Variants in SYT6 observed in about 807,000 individuals in gnomAD.
SYT6 encodes the protein synaptotagmin-6.
A neutral mutation model predicts 38.4 loss-of-function variants in SYT6; 24 were observed. That is an observed-to-expected ratio of 0.62 (90% CI 0.45 to 0.88). The LOEUF is 0.88. SYT6 is among the 40% of genes least tolerant of loss of function. The pLI, the probability that SYT6 is intolerant of heterozygous loss-of-function variation, is 0.00. For missense variants in SYT6, 611 were observed against 621.0 expected (o/e 0.98, Z 0.17); for synonymous variants, 265 against 241.9 (o/e 1.10, Z -0.89).
intron 2 of SYT6, among the ~76,000 whole-genome samples, chr1:114,138,918 C>T (rs185842585): frequency 2.4e-4 from 37 of 152,326 alleles, no homozygotes; most frequent in Non-Finnish European, 2.4e-4. Context: ...GACCAGGCCT[C>T]GTTCTCTTTT....
At chr1:114,125,428 G>A (rs1257368016) in intron 3 of SYT6, among the ~76,000 whole-genome samples, 1 of 152,204 alleles carries the variant, frequency 6.6e-6, no homozygotes, top group Non-Finnish European at 1.5e-5. Context: ...TGCAGCCCTA[G>A]AGAGGCCCTC....
At chr1:114,105,021 A>G (rs970550272) in intron 3 of SYT6, among the ~76,000 whole-genome samples, 4 of 151,488 alleles carry the variant, frequency 2.6e-5, no homozygotes, top group Admixed American at 2.0e-4. Flanking sequence ...CCCAGTGTCT[A>G]TTGTTGCCAT....
intron 5 of SYT6, among the ~76,000 whole-genome samples, chr1:114,098,155 C>A (rs564480240): frequency 6.6e-6 from 1 of 152,308 alleles, no homozygotes; most frequent in African/African-American, 2.4e-5. Context: ...CGAGGTGAGA[C>A]AGTCTAAGTC....
At chr1:114,111,175 C>T (rs1042433048) in intron 3 of SYT6, among the ~76,000 whole-genome samples, 1 of 152,170 alleles carries the variant, frequency 6.6e-6, no homozygotes, top group Non-Finnish European at 1.5e-5. Context: ...CCTCACCTTC[C>T]ACTGTTCTGC....
Position 114,137,716 on chromosome 1 carries a change from G to C in SYT6, c.850C>G (p.Arg284Gly), listed in dbSNP as rs1212768713. The C allele has an allele frequency of 6.2e-7, 1 of 1,613,850 alleles. No homozygotes were observed. The highest frequency in any genetic ancestry group is 1.3e-5 in the African/African-American group (1 of 75,022). The change falls in exon 3 of 8, where the codon CGG (arginine) becomes GGG (glycine). Residue 284 changes from arginine (R) to glycine (G), a missense_variant. Coordinates refer to ENST00000610222, the MANE Select transcript of SYT6 (RefSeq NM_001253772.2). ...LPDRKCKLQT[R>G]VHRKTLNPTF... ...GGGTTCAGGGTCTTGCGGTGCACCCGGGTCTGCAGCTTGCATTTGCGGTCA... is the reference window on the plus strand; with the variant it reads ...GGGTTCAGGGTCTTGCGGTGCACCCCGGTCTGCAGCTTGCATTTGCGGTCA...
chr1:114,110,381 C>T (rs765641385), intron 3 of SYT6, among the ~76,000 whole-genome samples: 1 of 152,112 alleles, frequency 6.6e-6, no homozygotes, highest in Non-Finnish European at 1.5e-5. Flanking sequence ...AGGGACCTGA[C>T]CAAGGGTAGT....
chr1:114,116,488 A>G (rs1677003137), intron 3 of SYT6, among the ~76,000 whole-genome samples: 4 of 152,200 alleles, frequency 2.6e-5, no homozygotes, highest in Admixed American at 2.6e-4. Flanking sequence ...TCTCCTGTAA[A>G]GGTGTAGTTA....
At chr1:114,124,126 A>G in intron 3 of SYT6, among the ~76,000 whole-genome samples, 1 of 152,182 alleles carries the variant, frequency 6.6e-6, no homozygotes, top group African/African-American at 2.4e-5. Context: ...CTCTGCATAT[A>G]TAGGAAAATG....
chr1:114,151,722 G>A (rs1358356835), intron 1 of SYT6, among the ~76,000 whole-genome samples: 3 of 152,194 alleles, frequency 2.0e-5, no homozygotes, highest in African/African-American at 4.8e-5. Context: ...AAGACGGAAG[G>A]GAGCTGGGGA....
intron 5 of SYT6, 60 bp from the exon 6 acceptor site, chr1:114,097,937 C>A (rs529096158): frequency 1.3e-5 from 20 of 1,593,196 alleles, no homozygotes; most frequent in Non-Finnish European, 1.7e-5. Flanking sequence ...AAAAGGAGGT[C>A]CAGTGTGGGG....
chr1:114,105,412 T>A (rs1281415545), intron 3 of SYT6, among the ~76,000 whole-genome samples: 1 of 143,744 alleles, frequency 7.0e-6, no homozygotes, highest in Non-Finnish European at 1.5e-5. Context: ...CCTCTTTTCC[T>A]AGCCCTAGAT....
intron 3 of SYT6, among the ~76,000 whole-genome samples, chr1:114,110,223 T>C (rs1337322127): frequency 1.3e-5 from 2 of 152,214 alleles, no homozygotes; most frequent in African/African-American, 4.8e-5. Context: ...ATGTGTGTCA[T>C]TCATTTGTCA....
In SYT6 at chr1:114,089,567, C is replaced by T. The variant is rs1401307272; in HGVS notation, c.*2567G>A. ...CTCACAGCAACAACCCGAGAGGTTTCTCCGGCCAGAGAAAGCCAACAAATG... is the reference window on the plus strand; with the variant it reads ...CTCACAGCAACAACCCGAGAGGTTTTTCCGGCCAGAGAAAGCCAACAAATG... On this transcript the variant is annotated 3_prime_UTR_variant, in exon 8 of 8. Coordinates refer to ENST00000610222, the MANE Select transcript of SYT6 (RefSeq NM_001253772.2). The T allele has an allele frequency of 6.6e-6, 1 of 152,364 alleles. No homozygotes were observed. Among genetic ancestry groups the T allele is most frequent in the East Asian group, 1.9e-4 (1 of 5,346 alleles). The allele number at this position is 152,364 out of a possible 1,614,324, so 9.4% of individuals were successfully genotyped here. A position where few individuals can be genotyped will look rare whatever the true frequency, so the allele number is the denominator to read the frequency against.
intron 2 of SYT6, 65 bp downstream of exon 2, chr1:114,139,550 C>T (rs986526421): frequency 2.5e-6 from 4 of 1,595,850 alleles, no homozygotes; most frequent in Middle Eastern, 1.9e-4. Flanking sequence ...AGGCTGGAAT[C>T]CCATAGATGT....
chr1:114,092,399 G>T (rs1187449884), intron 7 of SYT6, among the ~76,000 whole-genome samples: 1 of 151,894 alleles, frequency 6.6e-6, no homozygotes, highest in Non-Finnish European at 1.5e-5. Flanking sequence ...GGCCATTTCT[G>T]TGTGCTTCAG....
intron 3 of SYT6, among the ~76,000 whole-genome samples, chr1:114,128,917 A>G (rs962005591): frequency 1.3e-5 from 2 of 152,068 alleles, no homozygotes; most frequent in African/African-American, 4.8e-5. Context: ...TCTTGACACC[A>G]TTTATATGCC....
At chr1:114,095,191 T>G (rs1333083476) in intron 6 of SYT6, among the ~76,000 whole-genome samples, 1 of 152,192 alleles carries the variant, frequency 6.6e-6, no homozygotes, top group Non-Finnish European at 1.5e-5. Context: ...GATATCAATT[T>G]ATTCTCTTTT....
chr1:114,122,530 C>T (rs1677477678), intron 3 of SYT6, among the ~76,000 whole-genome samples: 2 of 151,214 alleles, frequency 1.3e-5, no homozygotes, highest in Admixed American at 1.3e-4. Context: ...CATATGCACA[C>T]ACACACGTGG....
rs1557765845 is a variant in SYT6, at chr1:114,139,820, A to T, written c.307T>A (p.Leu103Met). 2.5e-6 allele frequency: 4 copies of T among 1,603,114 alleles called. No homozygotes were observed. The Admixed American group carries it at 6.8e-5, about 27-fold the overall frequency. The stretch of plus-strand genomic sequence containing the variant: ...AAGCTGGGGCTCTGGAGGGCTTCCA[A>T]GGGGGGATTAGCAGAAGAGGGACTG... ...ASSPSSANPP[L>M]EALQSPSFRG... The change falls in exon 2 of 8, where the codon TTG becomes ATG. Residue 103 changes from leucine (L) to methionine (M), a missense_variant. By Grantham distance (15) the Leu-to-Met change is conservative. Transcript: ENST00000610222.
Sources: allele counts gnomAD v4.1 joint callset (sites outside exome capture counted in the v4.1 genomes callset), GRCh38; gene constraint gnomAD v4.1.1; transcripts MANE v1.5; gene names NCBI Gene and HGNC (gene_info 2026-07-23, HGNC 2026-07-21).